The following GRM5 variants were observed in gnomAD, a reference collection of about 807,000 sequenced individuals.
The protein encoded by GRM5 is metabotropic glutamate receptor 5.
GRM5 carries 19 observed loss-of-function variants against 83.1 expected under a neutral mutation model. That is an observed-to-expected ratio of 0.23 (90% CI 0.16 to 0.34). The LOEUF is 0.34. Among genes scored for constraint, GRM5 ranks in the 10% least tolerant of loss-of-function variants. The pLI is 1.00. For synonymous variants in GRM5, 675 were observed against 633.6 expected (o/e 1.07, Z -0.98); for missense variants, 1,160 against 1,588.3 (o/e 0.73, Z 4.58).
At chr11:88,574,719 A>T (rs111733244) in intron 7 of GRM5, among the ~76,000 whole-genome samples, 2,026 of 152,254 alleles carry the variant, frequency 0.013, 22 homozygotes, top group East Asian at 0.042. Flanking sequence ...GTGAGCCAAG[A>T]TTGCACCACT....
chr11:88,829,555 A>C (rs1943950257), intron 3 of GRM5, among the ~76,000 whole-genome samples: 1 of 152,204 alleles, frequency 6.6e-6, no homozygotes, highest in South Asian at 2.1e-4. Context: ...ATGATATAAT[A>C]GTATACAGAA....
chr11:88,709,935 G>C (rs1216260442), intron 3 of GRM5, among the ~76,000 whole-genome samples: 1 of 152,140 alleles, frequency 6.6e-6, no homozygotes, highest in African/African-American at 2.4e-5. Flanking sequence ...CAGCTCTGCT[G>C]CCTACCAAGC....
chr11:88,694,261 C>A (rs1940851200), intron 3 of GRM5, among the ~76,000 whole-genome samples: 1 of 152,096 alleles, frequency 6.6e-6, no homozygotes, highest in South Asian at 2.1e-4. Context: ...GATCAAATTC[C>A]TGTGTATTGT....
chr11:88,859,028 C>G lies in GRM5; in HGVS notation c.662-8873G>C, dbSNP rs549165929. Among the ~76,000 whole-genome samples, 4 of 151,904 alleles carry G rather than the reference C, an allele frequency of 2.6e-5. No individual in the cohort carries two copies. The South Asian group carries it at 8.3e-4, about 32-fold the overall frequency. ...AAAGACAATGAAGAAGAAGAGAAACCAAGATAATATATTCTTATGGAAATC... is the reference window on the plus strand; with the variant it reads ...AAAGACAATGAAGAAGAAGAGAAACGAAGATAATATATTCTTATGGAAATC... On this transcript the variant is annotated intron_variant, in intron 2 of 9. Coordinates refer to ENST00000305447, the MANE Select transcript of GRM5 (RefSeq NM_001143831.3).
intron 6 of GRM5, among the ~76,000 whole-genome samples, chr11:88,592,246 A>G (rs1937656261): frequency 1.3e-5 from 2 of 152,224 alleles, no homozygotes; most frequent in Admixed American, 6.5e-5. Flanking sequence ...TGTTGCTTTT[A>G]AGATAATAAT....
rs1473880963 is a variant in GRM5, at chr11:88,885,465, T to G, written c.662-35310A>C. On this transcript the variant is annotated intron_variant, in intron 2 of 9. Transcript: ENST00000305447. ...TAGGTACCATGTTTTTTTTTTTTTT[T>G]TTTTTTTTTTTTTTTTTTTTTGGTA... Among the ~76,000 whole-genome samples the G allele has an allele frequency of 6.8e-4, 97 of 142,108 alleles. 5 individuals carry two copies. The highest frequency in any genetic ancestry group is 1.5e-3 in the African/African-American group (59 of 38,318). The allele number at this position is 142,108 out of a possible 152,430, so 93.2% of individuals were successfully genotyped here.
At chr11:88,992,130 T>C (rs1346139606) in intron 2 of GRM5, among the ~76,000 whole-genome samples, 24 of 152,234 alleles carry the variant, frequency 1.6e-4, no homozygotes, top group East Asian at 9.7e-4. Flanking sequence ...AAAGGGCTAA[T>C]AATATCCAGA....
intron 8 of GRM5, among the ~76,000 whole-genome samples, chr11:88,566,582 G>A (rs927979727): frequency 6.6e-6 from 1 of 152,168 alleles, no homozygotes; most frequent in African/African-American, 2.4e-5. Context: ...GGGCATTTAA[G>A]CACTCTTCTG....
chr11:88,541,987 C>T (rs1309325180), intron 8 of GRM5, among the ~76,000 whole-genome samples: 1 of 152,180 alleles, frequency 6.6e-6, no homozygotes, highest in South Asian at 2.1e-4. Context: ...GCTTTCTCTT[C>T]TCTCTCCTGC....
intron 3 of GRM5, among the ~76,000 whole-genome samples, chr11:88,691,730 A>G (rs905570396): frequency 1.9e-4 from 29 of 152,268 alleles, no homozygotes; most frequent in Non-Finnish European, 3.1e-4. Context: ...TCTCTTTTCT[A>G]TGACTTACAC....
At chr11:88,862,476 C>T (rs564254260) in intron 2 of GRM5, among the ~76,000 whole-genome samples, 7 of 152,156 alleles carry the variant, frequency 4.6e-5, no homozygotes, top group African/African-American at 1.7e-4. Context: ...TAAAAATCCT[C>T]AGTTTTAAAT....
intron 2 of GRM5, among the ~76,000 whole-genome samples, chr11:88,921,689 A>G (rs974674423): frequency 5.3e-5 from 8 of 152,056 alleles, no homozygotes; most frequent in African/African-American, 1.9e-4. Context: ...TGGATCTAAG[A>G]TTTGGAACAA....
chr11:88,975,638 C>T (rs1412602251), intron 2 of GRM5, among the ~76,000 whole-genome samples: 1 of 152,214 alleles, frequency 6.6e-6, no homozygotes, highest in African/African-American at 2.4e-5. Flanking sequence ...TCCTAGGCTC[C>T]AACCCAGATC....
intron 9 of GRM5, among the ~76,000 whole-genome samples, chr11:88,522,086 C>T (rs891855477): frequency 6.6e-6 from 1 of 152,150 alleles, no homozygotes; most frequent in African/African-American, 2.4e-5. Flanking sequence ...CTTAACCCCT[C>T]CCTGGAACTA....
At chr11:88,645,883 C>T (rs974415686) in intron 4 of GRM5, among the ~76,000 whole-genome samples, 23 of 152,058 alleles carry the variant, frequency 1.5e-4, no homozygotes, top group African/African-American at 4.1e-4. Context: ...GTTGGCTATG[C>T]GGATGGAAGA....
chr11:88,769,090 C>T (rs1942678347), intron 3 of GRM5, among the ~76,000 whole-genome samples: 1 of 151,914 alleles, frequency 6.6e-6, no homozygotes, highest in Admixed American at 6.6e-5. Context: ...AATTTGTTTC[C>T]CATAGGGATA....
intron 3 of GRM5, among the ~76,000 whole-genome samples, chr11:88,753,693 C>A (rs964312760): frequency 1.3e-5 from 2 of 152,034 alleles, no homozygotes; most frequent in Non-Finnish European, 2.9e-5. Flanking sequence ...CAATGATAGG[C>A]TGGATAAAGA....
At chr11:88,693,083 G>GA (rs1261918816) in intron 3 of GRM5, among the ~76,000 whole-genome samples, 1 of 150,462 alleles carries the variant, frequency 6.6e-6, no homozygotes, top group East Asian at 1.9e-4. Context: ...AATATAAATG[G>GA]AAAAAAAAAG....
intron 3 of GRM5, among the ~76,000 whole-genome samples, chr11:88,830,256 G>C (rs1307002846): frequency 6.6e-6 from 1 of 151,552 alleles, no homozygotes; most frequent in Non-Finnish European, 1.5e-5. Flanking sequence ...ATTGGATTTT[G>C]GAAAGTATTC....
Sources: gnomAD v4.1 joint callset for allele counts (sites outside exome capture counted in the v4.1 genomes callset) on GRCh38, gnomAD v4.1.1 for gene constraint, MANE v1.5 for transcripts, NCBI Gene and HGNC (gene_info 2026-07-23, HGNC 2026-07-21) for gene names.